SLC22A15: variants seen among roughly 807,000 people sequenced by gnomAD.
SLC22A15 encodes the protein solute carrier family 22 member 15, also known as flipt 1.
In SLC22A15, 45 loss-of-function variants were observed where a neutral mutation model predicts 62.7. That is an observed-to-expected ratio of 0.72 (90% CI 0.56 to 0.92). The LOEUF is 0.92. Ranked by LOEUF, SLC22A15 falls within the 40% of genes least tolerant of loss-of-function variation. SLC22A15 has a pLI of 0.00. For synonymous variants in SLC22A15, 264 were observed against 267.0 expected, an observed-to-expected ratio of 0.99 and a Z score of 0.11; for missense variants, 622 against 665.6, an observed-to-expected ratio of 0.93 and a Z score of 0.72.
At chr1:116,041,067 T>C (rs967890463) in intron 8 of SLC22A15, among the ~76,000 whole-genome samples, 1 of 152,214 alleles carries the variant, frequency 6.6e-6, no homozygotes, top group Non-Finnish European at 1.5e-5. Context: ...CATTGGGCTC[T>C]CATTGATGAG....
chr1:116,020,282 G>A (rs1338399621), intron 3 of SLC22A15, among the ~76,000 whole-genome samples: 1 of 150,948 alleles, frequency 6.6e-6, no homozygotes, highest in Non-Finnish European at 1.5e-5. Context: ...GCTGGGCGCG[G>A]TGGCTCACGC....
chr1:116,062,567 G>T (rs1168300494), intron 8 of SLC22A15, among the ~76,000 whole-genome samples, 195 bp from the exon 9 acceptor site: 2 of 152,222 alleles, frequency 1.3e-5, no homozygotes, highest in African/African-American at 4.8e-5. Flanking sequence ...GTTTCCAAGG[G>T]TAGAGCCAAA....
chr1:116,047,413 C>T (rs780836620), intron 8 of SLC22A15, among the ~76,000 whole-genome samples: 4 of 152,076 alleles, frequency 2.6e-5, no homozygotes, highest in African/African-American at 4.8e-5. Context: ...GGCGACAGAG[C>T]GAGACTCCGT....
chr1:116,050,520 G>A (rs570320709), intron 8 of SLC22A15, among the ~76,000 whole-genome samples: 1 of 152,226 alleles, frequency 6.6e-6, no homozygotes, highest in South Asian at 2.1e-4. Flanking sequence ...TGCAGAAAAA[G>A]CATTAGACAA....
At chr1:115,985,525 T>C (rs1382959377) in intron 1 of SLC22A15, among the ~76,000 whole-genome samples, 1 of 152,234 alleles carries the variant, frequency 6.6e-6, no homozygotes, top group Non-Finnish European at 1.5e-5. Context: ...TTTATCCATT[T>C]TATCATCTGA....
At chr1:116,044,000 T>C (rs1003645387) in intron 8 of SLC22A15, among the ~76,000 whole-genome samples, 2 of 152,218 alleles carry the variant, frequency 1.3e-5, no homozygotes, top group Non-Finnish European at 2.9e-5. Context: ...CAGATGGCTT[T>C]ACTGGTAAAT....
At chr1:116,061,977 G>A (rs1001392978) in intron 8 of SLC22A15, among the ~76,000 whole-genome samples, 8 of 152,172 alleles carry the variant, frequency 5.3e-5, no homozygotes, top group Admixed American at 5.2e-4. Context: ...GGAAGGCTGA[G>A]GCAGGTGGAT....
At chr1:116,049,342 G>T (rs777412106) in intron 8 of SLC22A15, among the ~76,000 whole-genome samples, 8 of 152,190 alleles carry the variant, frequency 5.3e-5, no homozygotes, top group South Asian at 2.1e-4. Context: ...TAGACTATAT[G>T]ATAAGCCCTA....
intron 8 of SLC22A15, among the ~76,000 whole-genome samples, chr1:116,056,514 C>G (rs1159850822): frequency 6.6e-6 from 1 of 151,244 alleles, no homozygotes; most frequent in Non-Finnish European, 1.5e-5. Flanking sequence ...CCATCCCCAT[C>G]AAGCTACCAA....
intron 6 of SLC22A15, among the ~76,000 whole-genome samples, chr1:116,033,342 A>G (rs1334033363): frequency 1.3e-5 from 2 of 152,198 alleles, no homozygotes; most frequent in African/African-American, 4.8e-5. Flanking sequence ...TGATTTTAAT[A>G]GCTGTAATTA....
At chr1:115,980,365 T>G (rs1293452754) in intron 1 of SLC22A15, among the ~76,000 whole-genome samples, 1 of 152,200 alleles carries the variant, frequency 6.6e-6, no homozygotes, top group African/African-American at 2.4e-5. Flanking sequence ...CTTGAGCACG[T>G]GCATAGGGAG....
intron 2 of SLC22A15, among the ~76,000 whole-genome samples, chr1:116,006,459 C>A (rs1308051104): frequency 6.6e-6 from 1 of 152,114 alleles, no homozygotes; most frequent in African/African-American, 2.4e-5. Context: ...AAATGGCTTC[C>A]TTGGCAAGTG....
rs774075586 is a variant in SLC22A15, at chr1:116,066,509, C to T, written c.1366-11C>T. On this transcript the variant is annotated splice_polypyrimidine_tract_variant and intron_variant, in intron 10 of 11. Coordinates refer to ENST00000369503, the MANE Select transcript of SLC22A15 (RefSeq NM_018420.3). ...TCTGGTTTATTTTCATTCCACTCCC[C>T]GCCTCTGCAGAAATATGTGCAATGG... 1.1e-5 allele frequency: 16 copies of T among 1,521,396 alleles called. No homozygotes were observed. The highest frequency in any genetic ancestry group is 2.7e-5 in the African/African-American group (2 of 73,612). 94.2% of individuals were successfully genotyped at this position (1,521,396 alleles called of 1,614,324 possible). A position where few individuals can be genotyped will look rare whatever the true frequency, so the allele number is the denominator to read the frequency against.
chr1:116,020,621 G>A, intron 3 of SLC22A15, 100 bp from the exon 4 acceptor site: 2 of 1,012,714 alleles, frequency 2.0e-6, no homozygotes, highest in Non-Finnish European at 1.3e-6. Flanking sequence ...GAAAATTTAA[G>A]TTTACAAACA....
intron 2 of SLC22A15, among the ~76,000 whole-genome samples, chr1:116,017,972 A>C (rs1297668575): frequency 6.6e-6 from 1 of 152,242 alleles, no homozygotes; most frequent in African/African-American, 2.4e-5. Flanking sequence ...GTTTCCCTAA[A>C]GTAGAAGATA....
chr1:115,997,362 A>T (rs910468308), intron 2 of SLC22A15, among the ~76,000 whole-genome samples: 1 of 152,042 alleles, frequency 6.6e-6, no homozygotes, highest in African/African-American at 2.4e-5. Context: ...TTTGATAGAG[A>T]TAGCATTGAA....
At chr1:116,026,271 T>C (rs1274593224) in intron 4 of SLC22A15, among the ~76,000 whole-genome samples, 1 of 150,836 alleles carries the variant, frequency 6.6e-6, no homozygotes, top group Non-Finnish European at 1.5e-5. Flanking sequence ...AAAAAAAAAT[T>C]AGCCAGGCAT....
chr1:115,994,628 G>T (rs926235576), intron 2 of SLC22A15, among the ~76,000 whole-genome samples: 29 of 152,232 alleles, frequency 1.9e-4, no homozygotes, highest in Admixed American at 1.8e-3. Flanking sequence ...TTCATCTATT[G>T]TTACTAGTTT....
At chr1:116,019,517 CA>C in intron 2 of SLC22A15, 64 bp from the exon 3 acceptor site, 1 of 1,482,940 alleles carries the variant, frequency 6.7e-7, no homozygotes. Context: ...GTTTTTGTTG[CA>C]CATTTGGTTT....
Sources: gnomAD v4.1 joint callset for allele counts (sites outside exome capture counted in the v4.1 genomes callset) on GRCh38, gnomAD v4.1.1 for gene constraint, MANE v1.5 for transcripts, NCBI Gene and HGNC (gene_info 2026-07-23, HGNC 2026-07-21) for gene names.